The following MACF1 variants were observed in gnomAD, a reference collection of about 807,000 sequenced individuals.
MACF1 encodes microtubule-actin cross-linking factor 1.
MACF1 carries 193 observed loss-of-function variants against 854.8 expected under a neutral mutation model. The ratio of observed to expected loss-of-function variants is 0.23; its 90% CI spans 0.20 to 0.25. The LOEUF is 0.25. MACF1 is among the 10% of genes least tolerant of loss of function. The pLI, the probability that MACF1 is intolerant of heterozygous loss-of-function variation, is 1.00. For synonymous variants in MACF1, 3,185 were observed against 3,226.7 expected, an observed-to-expected ratio of 0.99 and a Z score of 0.44; for missense variants, 7,722 against 8,929.1, an observed-to-expected ratio of 0.86 and a Z score of 5.45.
chr1:39,268,719 T>C lies in MACF1; in HGVS notation c.528+10691T>C, dbSNP rs1645265815. On this transcript the variant is annotated intron_variant, in intron 6 of 100. Coordinates refer to ENST00000564288, the MANE Select transcript of MACF1 (RefSeq NM_001394062.1). ...GGAAATGGGAAATTCACTGGGCTGT[T>C]TTAAGGAGCCGAAAGAGTCAATAGC... is the stretch of plus-strand genomic sequence containing the variant. The C allele has an allele frequency of 2.3e-6, 3 of 1,285,118 alleles. No individual in the cohort carries two copies. The South Asian group carries it at 3.7e-5, about 16-fold the overall frequency. The allele number at this position is 1,285,118 out of a possible 1,614,324, so 79.6% of individuals were successfully genotyped here.
intron 62 of MACF1, among the ~76,000 whole-genome samples, 168 bp downstream of exon 62, chr1:39,427,782 G>T (rs2148646051): frequency 6.6e-6 from 1 of 151,892 alleles, no homozygotes; most frequent in East Asian, 1.9e-4. Context: ...AATAGAAATT[G>T]ACTGATAGGC....
chr1:39,140,631 G>A (rs535359555), intron 2 of MACF1, among the ~76,000 whole-genome samples: 73 of 152,150 alleles, frequency 4.8e-4, no homozygotes, highest in Non-Finnish European at 9.4e-4. Context: ...AATAAGTGCC[G>A]GGCAACTGGG....
intron 89 of MACF1, chr1:39,456,951 TTG>T (rs1644452785): frequency 6.6e-6 from 1 of 152,282 alleles, no homozygotes; most frequent in Admixed American, 6.5e-5. Context: ...CCTTTAATCT[TTG>T]TGTTTTCCTC....
intron 15 of MACF1, among the ~76,000 whole-genome samples, chr1:39,289,693 CTTTTTTTTTTT>C (rs58188740): frequency 5.2e-4 from 15 of 28,964 alleles, no homozygotes; most frequent in South Asian, 4.2e-3. Flanking sequence ...GTGGGTTGTC[CTTTTTTTTTTT>C]TTTTTTTTTT....
At position 39,324,750 on chromosome 1, in the gene MACF1, G is replaced by A. The variant is rs1646576934; in HGVS notation, c.4478+16G>A. ...ATGGTCATAAGTGAGTATTAAATGA[G>A]AGATTATGGCACATCTGGGGCACCT... is the stretch of plus-strand genomic sequence containing the variant. On this transcript the variant is annotated intron_variant, in intron 35 of 100. Transcript: ENST00000564288. 6.3e-7 allele frequency: 1 copy of A among 1,584,108 alleles called. No individual in the cohort carries two copies. The highest frequency in any genetic ancestry group is 1.3e-5 in the African/African-American group (1 of 74,250).
At chr1:39,099,316 C>T (rs1294668924) in intron 2 of MACF1, among the ~76,000 whole-genome samples, 8 of 152,126 alleles carry the variant, frequency 5.3e-5, no homozygotes, top group East Asian at 1.9e-4. Flanking sequence ...CCATCACGCC[C>T]GGCTAATTTT....
At chr1:39,251,134 G>A (rs886112116) in intron 3 of MACF1, among the ~76,000 whole-genome samples, 1 of 152,032 alleles carries the variant, frequency 6.6e-6, no homozygotes, top group Non-Finnish European at 1.5e-5. Context: ...CTAGGATTGG[G>A]GCTTGGCTTC....
At chr1:39,293,725 G>A (rs1436481028) in intron 18 of MACF1, 106 bp downstream of exon 18, 24 of 1,072,888 alleles carry the variant, frequency 2.2e-5, no homozygotes, top group Non-Finnish European at 2.9e-5. Flanking sequence ...CACTCTGCTA[G>A]ATAGAAATAG....
rs145278746 is a variant in MACF1, at chr1:39,422,524, T to G, written c.15967T>G (p.Leu5323Val). 7 of 1,610,426 alleles carry G rather than the reference T, an allele frequency of 4.3e-6. No homozygotes were observed. The highest frequency in any genetic ancestry group is 1.3e-5 in the African/African-American group (1 of 74,764). ...MEEINARWNT[L>V]NKKVAQRIAQ... ...AGAGATCAATGCTCGATGGAATACA[T>G]TGAATAAAAAGGTGAGTGACAATGG... The change falls in exon 59 of 101, where the codon TTG becomes GTG. Residue 5323 changes from leucine to valine, a missense_variant. Leu to Val is a conservative substitution (Grantham distance 32). This residue lies in a region of MACF1 where 2,807 missense variants were observed against 3,235.8 expected (regional missense o/e 0.87). Transcript: ENST00000564288.
chr1:39,111,632 C>T (rs904842495), intron 2 of MACF1, among the ~76,000 whole-genome samples: 4 of 152,034 alleles, frequency 2.6e-5, no homozygotes, highest in African/African-American at 9.7e-5. Context: ...CTGCCCGCCT[C>T]GGCCTCCCAA....
intron 2 of MACF1, among the ~76,000 whole-genome samples, chr1:39,130,030 T>C (rs762151914): frequency 5.6e-4 from 85 of 152,348 alleles, no homozygotes; most frequent in Non-Finnish European, 1.1e-3. Context: ...AATACAATAT[T>C]CTTTTTGTTA....
chr1:39,331,108 G>A (rs1393167275), intron 36 of MACF1, 95 bp from the exon 37 acceptor site: 2 of 1,428,166 alleles, frequency 1.4e-6, no homozygotes, highest in Non-Finnish European at 1.8e-6. Flanking sequence ...TTCTTTGAAT[G>A]ACTCCTTTCA....
intron 2 of MACF1, among the ~76,000 whole-genome samples, chr1:39,139,237 T>C (rs1375969823): frequency 6.6e-6 from 1 of 152,116 alleles, no homozygotes; most frequent in African/African-American, 2.4e-5. Flanking sequence ...GGGGGGAAAT[T>C]GAACAGATTT....
chr1:39,346,484 T>C (rs1309604639), intron 40 of MACF1, among the ~76,000 whole-genome samples: 1 of 152,100 alleles, frequency 6.6e-6, no homozygotes, highest in Non-Finnish European at 1.5e-5. Context: ...TTAATTCTAA[T>C]TTATGAGGAG....
At position 39,319,744 on chromosome 1, in the gene MACF1, A is replaced by G; in HGVS notation, c.4026A>G (p.Val1342=). The part of the protein sequence containing the change: ...QKFSQQYSTI[V]KDYELQLMTY... ...TTTCCCAGCAGTACTCTACTATTGT[A>G]AAGGTAACTTTACCACATCCCAAAA... is the stretch of plus-strand genomic sequence containing the variant. The change falls in exon 31 of 101, where the codon GTA becomes GTG. Residue 1342 remains valine (V), a synonymous_variant. Transcript: ENST00000564288. 1 of 1,608,968 alleles carries G rather than the reference A, an allele frequency of 6.2e-7. No individual in the cohort carries two copies. Among genetic ancestry groups the G allele is most frequent in the Non-Finnish European group, 8.5e-7 (1 of 1,176,448 alleles).
chr1:39,333,159 C>T lies in MACF1; in HGVS notation c.6571C>T (p.His2191Tyr), dbSNP rs138084833. The change falls in exon 37 of 101, where the codon CAC becomes TAC. Residue 2191 changes from histidine (H) to tyrosine (Y), a missense_variant. Coordinates refer to ENST00000564288, the MANE Select transcript of MACF1 (RefSeq NM_001394062.1). Reference protein sequence around the residue: ...EYIHDETGGSHIKPQSKKLQV... With the variant: ...EYIHDETGGSYIKPQSKKLQV... ...TATTCATGATGAAACTGGAGGATCTCACATAAAACCCCAAAGCAAAAAGTT... is the reference window on the plus strand; with the variant it reads ...TATTCATGATGAAACTGGAGGATCTTACATAAAACCCCAAAGCAAAAAGTT... 8,348 of 1,613,738 alleles carry T rather than the reference C, an allele frequency of 5.2e-3. 61 individuals carry two copies. Among genetic ancestry groups the T allele is most frequent in the Non-Finnish European group, 5.0e-3 (5,848 of 1,179,988 alleles).
intron 33 of MACF1, among the ~76,000 whole-genome samples, chr1:39,323,955 A>T (rs1330671990): frequency 6.6e-6 from 1 of 152,194 alleles, no homozygotes; most frequent in Admixed American, 6.5e-5. Context: ...TATTATATAT[A>T]AAACAGTGGT....
chr1:39,203,900 A>G (rs182829262), upstream of MACF1, among the ~76,000 whole-genome samples: 377 of 152,330 alleles, frequency 2.5e-3, 1 homozygote, highest in Non-Finnish European at 2.6e-3. Flanking sequence ...ATGCTGCTGC[A>G]AACATTCATA....
intron 2 of MACF1, among the ~76,000 whole-genome samples, chr1:39,140,581 G>A (rs1643315869): frequency 6.6e-6 from 1 of 152,142 alleles, no homozygotes; most frequent in African/African-American, 2.4e-5. Context: ...ATTGTAAAAT[G>A]GATCAAAGAC....
Sources: allele counts gnomAD v4.1 joint callset (sites outside exome capture counted in the v4.1 genomes callset), GRCh38; gene constraint gnomAD v4.1.1; regional missense constraint gnomAD v4.1.1; transcripts MANE v1.5; gene names NCBI Gene and HGNC (gene_info 2026-07-23, HGNC 2026-07-21).